The following TRAK1 variants were observed in gnomAD, a reference collection of about 807,000 sequenced individuals.
TRAK1 encodes trafficking kinesin-binding protein 1.
TRAK1 carries 33 observed loss-of-function variants against 92.1 expected under a neutral mutation model. The observed-to-expected ratio is 0.36, with a 90% CI of 0.27 to 0.48. The LOEUF is 0.48. Among genes scored for constraint, TRAK1 ranks in the 20% least tolerant of loss-of-function variants. TRAK1 has a pLI of 0.99. For synonymous variants in TRAK1, 521 were observed against 517.3 expected, an observed-to-expected ratio of 1.01 and a Z score of -0.10; for missense variants, 1,123 against 1,257.9, an observed-to-expected ratio of 0.89 and a Z score of 1.62.
intron 2 of TRAK1, among the ~76,000 whole-genome samples, chr3:42,167,232 G>T (rs1701990092): frequency 6.6e-6 from 1 of 152,232 alleles, no homozygotes; most frequent in Admixed American, 6.5e-5. Flanking sequence ...CCCTCTCTGG[G>T]GTGTCGATTA....
rs1320782006 is a variant in TRAK1, at chr3:42,140,781, G to C, written c.286+15167G>C. 2.0e-5 allele frequency among the ~76,000 whole-genome samples: 3 copies of C among 152,222 alleles called. No homozygotes were observed. The East Asian group carries it at 5.8e-4, about 29-fold the overall frequency. On this transcript the variant is annotated intron_variant, in intron 2 of 15. Transcript: ENST00000327628. The stretch of plus-strand genomic sequence containing the variant: ...CCCCTCAAGGACGGAAGGTTAGGAA[G>C]CCTCTTCCGGGTCTTCCTCTCTTCT...
rs753199542 is a variant in TRAK1 at position 42,191,644 on chromosome 3, C to G, written c.769+8C>G. On this transcript the variant is annotated splice_region_variant and intron_variant, in intron 7 of 15. Transcript: ENST00000327628. Reference sequence around the variant, plus strand: ...ACTGCGTGAAGGAGCTGAGTATGTCCCCGCACTGCTGTCTTCTTACTTCCT... The same window carrying G: ...ACTGCGTGAAGGAGCTGAGTATGTCGCCGCACTGCTGTCTTCTTACTTCCT... 6.3e-7 allele frequency: 1 copy of G among 1,592,970 alleles called. No homozygotes were observed. Among genetic ancestry groups the G allele is most frequent in the Non-Finnish European group, 8.6e-7 (1 of 1,169,188 alleles).
At chr3:42,194,978 G>C in intron 10 of TRAK1, 37 bp downstream of exon 10, 1 of 1,609,486 alleles carries the variant, frequency 6.2e-7, no homozygotes. Context: ...AGGACAGGAG[G>C]GGTTCTGGTG....
In TRAK1 at chr3:42,071,553, C is replaced by CAAA. The variant is rs1703931181; in HGVS notation, c.-518-15548_-518-15546dup. Reference sequence around the variant, plus strand: ...TGAAATCCCGTCTCTACTAAAAATACAAAAATTAGCTGGTTTTGGTGGTGG... The same window carrying CAAA: ...TGAAATCCCGTCTCTACTAAAAATACAAAAAAAATTAGCTGGTTTTGGTGGTGG... On this transcript the variant is annotated intron_variant, in intron 1 of 16. Transcript: ENST00000487159. Among the ~76,000 whole-genome samples the CAAA allele has an allele frequency of 3.3e-5, 5 of 152,030 alleles. No homozygotes were observed. The South Asian group carries it at 1.0e-3, about 31-fold the overall frequency.
chr3:42,176,650 A>G (rs944151112), intron 2 of TRAK1, among the ~76,000 whole-genome samples, 164 bp from the exon 3 acceptor site: 4 of 152,200 alleles, frequency 2.6e-5, no homozygotes, highest in Middle Eastern at 3.2e-3. Context: ...GAACTGGGAA[A>G]TGAAGTCTGG....
At chr3:42,086,977 C>G (rs1373286970), upstream of TRAK1, 1 of 152,220 alleles carries the variant, frequency 6.6e-6, no homozygotes, top group Non-Finnish European at 1.5e-5. Context: ...GATGCCTTGA[C>G]TTGAGAGAAA....
At position 42,200,820 on chromosome 3, in the gene TRAK1, A is replaced by C. The variant is rs778781061; in HGVS notation, c.1193A>C (p.His398Pro). 1 of 1,613,956 alleles carries C rather than the reference A, an allele frequency of 6.2e-7. No individual in the cohort carries two copies. The highest frequency in any genetic ancestry group is 2.2e-5 in the East Asian group (1 of 44,868). The change falls in exon 12 of 16, where the codon CAC becomes CCC. Residue 398 changes from histidine to proline, a missense_variant and splice_region_variant. Around this residue, in one of 3 missense-constraint regions of TRAK1, gnomAD observed 686 missense variants for 747.6 expected, o/e 0.92. Coordinates refer to ENST00000327628, the MANE Select transcript of TRAK1 (RefSeq NM_001042646.3). ...CGGATGCCGTGCATTCTCCCTAGTCACCAGAAGCGTGTCTTTGAGACAGTA... is the reference window on the plus strand; with the variant it reads ...CGGATGCCGTGCATTCTCCCTAGTCCCCAGAAGCGTGTCTTTGAGACAGTA... ...LEEAESPDIT[H>P]QKRVFETVRN... is the part of the protein sequence containing the mutation.
intron 1 of TRAK1, among the ~76,000 whole-genome samples, chr3:42,028,416 A>C (rs1701998233): frequency 6.6e-6 from 1 of 152,230 alleles, no homozygotes; most frequent in Non-Finnish European, 1.5e-5. Flanking sequence ...TGGGCCAGGC[A>C]CTGAGTTATG....
intron 14 of TRAK1, chr3:42,211,145 G>A: frequency 1.0e-6 from 1 of 985,238 alleles, no homozygotes; most frequent in East Asian, 1.1e-4. Context: ...TTATCTTTGT[G>A]ATTCATAATT....
chr3:42,048,965 G>A (rs182343381), intron 1 of TRAK1, among the ~76,000 whole-genome samples: 54 of 152,286 alleles, frequency 3.5e-4, no homozygotes, highest in Middle Eastern at 3.4e-3. Context: ...TGAGCTCACT[G>A]CAGTCTCAAC....
chr3:42,097,198 C>A (rs1476992255), intron 1 of TRAK1, among the ~76,000 whole-genome samples: 2 of 152,190 alleles, frequency 1.3e-5, no homozygotes, highest in East Asian at 1.9e-4. Context: ...GTCTATAAAT[C>A]CCACGATTGA....
rs76524399 is a variant in TRAK1, at chr3:42,199,291, G to C, written c.1190+38G>C. On this transcript the variant is annotated intron_variant, in intron 11 of 15. Coordinates refer to ENST00000327628, the MANE Select transcript of TRAK1 (RefSeq NM_001042646.3). ...TTTTTACAGTTTTGAGATTCCCAGA[G>C]ACCAACTTGGACCAGTGCAGTGTTC... is the stretch of plus-strand genomic sequence containing the variant. 3,722 of 1,603,714 alleles carry C rather than the reference G, an allele frequency of 2.3e-3. 71 individuals carry two copies. In the East Asian group the frequency reaches 0.045, roughly 19 times the overall value.
chr3:42,146,629 A>C (rs1699362459), intron 2 of TRAK1, among the ~76,000 whole-genome samples: 1 of 152,128 alleles, frequency 6.6e-6, no homozygotes, highest in African/African-American at 2.4e-5. Context: ...ATCACATCTC[A>C]CTGCAACTTT....
rs1705062998 is a variant in TRAK1, at chr3:42,091,563, A to G, written c.91+3A>G. The stretch of plus-strand genomic sequence containing the variant: ...GCTCATTCGGACAAACGCCTGTGGT[A>G]AGTTTGTTTGCCAGGTCTGTCTGCT... On this transcript the variant is annotated splice_donor_region_variant and intron_variant, in intron 1 of 15. Transcript: ENST00000327628. The G allele has an allele frequency of 6.2e-7, 1 of 1,610,806 alleles. No homozygotes were observed. The highest frequency in any genetic ancestry group is 2.2e-5 in the East Asian group (1 of 44,802).
At chr3:42,035,432 G>A (rs1044855781) in intron 1 of TRAK1, among the ~76,000 whole-genome samples, 1 of 152,038 alleles carries the variant, frequency 6.6e-6, no homozygotes, top group Admixed American at 6.6e-5. Flanking sequence ...CACCTCCATC[G>A]TAGCCTGTAC....
At position 42,137,605 on chromosome 3, in the gene TRAK1, T is replaced by C. The variant is rs184228671; in HGVS notation, c.286+11991T>C. ...TATCAAGAGATCAACTTCTCAAACT[T>C]TGGACCAAGGGCAGTTTTGTGGGGG... On this transcript the variant is annotated intron_variant, in intron 2 of 15. Coordinates refer to ENST00000327628, the MANE Select transcript of TRAK1 (RefSeq NM_001042646.3). 2.7e-3 allele frequency among the ~76,000 whole-genome samples: 404 copies of C among 152,332 alleles called. 4 individuals carry two copies. Among genetic ancestry groups the C allele is most frequent in the Non-Finnish European group, 2.5e-3 (173 of 68,028 alleles).
intron 1 of TRAK1, among the ~76,000 whole-genome samples, chr3:42,059,539 C>T (rs951091325): frequency 1.3e-5 from 2 of 152,228 alleles, no homozygotes; most frequent in South Asian, 4.1e-4. Context: ...CAGCAGGCCT[C>T]GGGGATTTCC....
chr3:42,026,349 C>T (rs1701914934), intron 1 of TRAK1, among the ~76,000 whole-genome samples: 1 of 152,172 alleles, frequency 6.6e-6, no homozygotes, highest in Non-Finnish European at 1.5e-5. Flanking sequence ...GCTGCCTCTT[C>T]ACTCCTCTGG....
At chr3:42,102,967 A>G (rs1209724249) in intron 1 of TRAK1, among the ~76,000 whole-genome samples, 1 of 152,176 alleles carries the variant, frequency 6.6e-6, no homozygotes, top group Admixed American at 6.5e-5. Flanking sequence ...CTTCATTGAG[A>G]TATAATTCAT....
Sources: allele counts gnomAD v4.1 joint callset (sites outside exome capture counted in the v4.1 genomes callset), GRCh38; gene constraint gnomAD v4.1.1; regional missense constraint gnomAD v4.1.1; transcripts MANE v1.5; gene names NCBI Gene and HGNC (gene_info 2026-07-23, HGNC 2026-07-21).